The following ENDOD1 variants were observed in gnomAD, a reference collection of about 807,000 sequenced individuals.
ENDOD1 encodes the protein endonuclease domain containing 1.
A neutral mutation model predicts 6.5 loss-of-function variants in ENDOD1; 9 were observed. The ratio of observed to expected loss-of-function variants is 1.39; its 90% CI spans 0.84 to 2.43. ENDOD1 has a LOEUF of 2.43. Ranked by LOEUF, ENDOD1 falls within the 30% of genes most tolerant of loss-of-function variation. ENDOD1 has a pLI of 0.00. For synonymous variants in ENDOD1, 255 were observed against 255.2 expected (o/e 1.00, Z 0.01); for missense variants, 648 against 635.5 (o/e 1.02, Z -0.21).
intron 1 of ENDOD1, 89 bp from the exon 2 acceptor site, chr11:95,128,288 G>A: frequency 1.4e-6 from 2 of 1,463,002 alleles, no homozygotes; most frequent in Non-Finnish European, 1.8e-6. Context: ...GACCAGTGGG[G>A]ACTTCTCCAG....
At chr11:95,111,682 G>T (rs372980003) in intron 1 of ENDOD1, among the ~76,000 whole-genome samples, 25 of 152,238 alleles carry the variant, frequency 1.6e-4, no homozygotes, top group Admixed American at 9.8e-4. Flanking sequence ...GAGCTTAGAC[G>T]GTGATGCAAG....
intron 1 of ENDOD1, among the ~76,000 whole-genome samples, chr11:95,123,148 C>T (rs1157615781): frequency 6.6e-6 from 1 of 150,464 alleles, no homozygotes; most frequent in Non-Finnish European, 1.5e-5. Flanking sequence ...AATATCAGGC[C>T]ACTGCACTGC....
At chr11:95,101,975 T>C (rs1859045155) in intron 1 of ENDOD1, among the ~76,000 whole-genome samples, 1 of 152,194 alleles carries the variant, frequency 6.6e-6, no homozygotes, top group Non-Finnish European at 1.5e-5. Context: ...TCCAGCTACA[T>C]TGCATATTTC....
chr11:95,095,862 T>C (rs1447389), intron 1 of ENDOD1, among the ~76,000 whole-genome samples: 19,530 of 152,230 alleles, frequency 0.13, 1,508 homozygotes, highest in African/African-American at 0.22. Flanking sequence ...CTTTATTCTC[T>C]ATCACACTAT....
intron 1 of ENDOD1, among the ~76,000 whole-genome samples, chr11:95,107,405 G>A (rs1441591406): frequency 1.3e-5 from 2 of 151,870 alleles, no homozygotes; most frequent in South Asian, 2.1e-4. Flanking sequence ...TGATTCTGAT[G>A]TGCAGCCAGG....
rs1555109645 is a variant in ENDOD1 at position 95,090,026 on chromosome 11, A to G, written c.99A>G (p.Glu33=). 1 of 1,593,756 alleles carries G rather than the reference A, an allele frequency of 6.3e-7. No individual in the cohort carries two copies. The change falls in exon 1 of 2, where the codon GAA becomes GAG. Residue 33 remains glutamate (E), a synonymous_variant. Transcript: ENST00000278505. ...LVGEEEAGFG[E]CDKFFYAGTP... ...GCGAGGAGGAAGCCGGCTTTGGCGA[A>G]TGTGACAAGTTCTTCTACGCCGGGA... is the stretch of plus-strand genomic sequence containing the variant.
chr11:95,093,167 C>G (rs982034430), intron 1 of ENDOD1, among the ~76,000 whole-genome samples: 21 of 152,230 alleles, frequency 1.4e-4, no homozygotes, highest in Admixed American at 7.2e-4. Flanking sequence ...GGACAAAGTT[C>G]ACACTGCAGA....
At chr11:95,096,544 C>T (rs538614547) in intron 1 of ENDOD1, among the ~76,000 whole-genome samples, 9 of 152,130 alleles carry the variant, frequency 5.9e-5, no homozygotes, top group East Asian at 5.8e-4. Context: ...GCTGAAAATA[C>T]GGGTACATTT....
chr11:95,100,790 C>T (rs1935090332), intron 1 of ENDOD1, among the ~76,000 whole-genome samples: 1 of 151,398 alleles, frequency 6.6e-6, no homozygotes, highest in Non-Finnish European at 1.5e-5. Context: ...GCCACCATGC[C>T]CAGCCTACTT....
intron 1 of ENDOD1, among the ~76,000 whole-genome samples, chr11:95,093,699 A>G (rs1482286490): frequency 6.6e-6 from 1 of 152,154 alleles, no homozygotes; most frequent in Non-Finnish European, 1.5e-5. Flanking sequence ...AGGCAGGAGC[A>G]GGTGAGATGT....
intron 1 of ENDOD1, among the ~76,000 whole-genome samples, chr11:95,116,045 A>T (rs1555112458): frequency 6.6e-6 from 1 of 152,022 alleles, no homozygotes; most frequent in African/African-American, 2.4e-5. Flanking sequence ...GTTTTTTGGA[A>T]TAGTTTGAGT....
At chr11:95,103,240 A>G (rs1381805152) in intron 1 of ENDOD1, among the ~76,000 whole-genome samples, 1 of 152,040 alleles carries the variant, frequency 6.6e-6, no homozygotes, top group Non-Finnish European at 1.5e-5. Flanking sequence ...CTACCAGTGA[A>G]TTGGGGTTTA....
chr11:95,110,145 G>A lies in ENDOD1; in HGVS notation c.301-18232G>A, dbSNP rs781932165. Among the ~76,000 whole-genome samples the A allele has an allele frequency of 5.3e-5, 8 of 152,304 alleles. No homozygotes were observed. In the East Asian group the frequency reaches 7.7e-4, roughly 15 times the overall value. The stretch of plus-strand genomic sequence containing the variant: ...GGCCTTCGGAGGCTAAAGACATTCC[G>A]AATTTTCCCTATGCTCTTGGCCCCT... On this transcript the variant is annotated intron_variant, in intron 1 of 1. Transcript: ENST00000278505.
intron 1 of ENDOD1, among the ~76,000 whole-genome samples, chr11:95,101,426 A>G (rs1265203150): frequency 6.6e-6 from 1 of 152,114 alleles, no homozygotes; most frequent in Non-Finnish European, 1.5e-5. Flanking sequence ...TCCTGTTCTT[A>G]TTATGGCACA....
intron 1 of ENDOD1, among the ~76,000 whole-genome samples, chr11:95,103,985 C>G (rs1374658023): frequency 6.6e-6 from 1 of 152,240 alleles, no homozygotes; most frequent in African/African-American, 2.4e-5. Flanking sequence ...CACACCTGCT[C>G]TGTCACCACC....
At chr11:95,092,302 G>A (rs1291770816) in intron 1 of ENDOD1, among the ~76,000 whole-genome samples, 4 of 152,112 alleles carry the variant, frequency 2.6e-5, no homozygotes, top group Non-Finnish European at 5.9e-5. Flanking sequence ...ATGGAAGGGA[G>A]GGATCAGGTG....
At chr11:95,116,730 C>T (rs782266660) in intron 1 of ENDOD1, among the ~76,000 whole-genome samples, 104 of 152,170 alleles carry the variant, frequency 6.8e-4, no homozygotes, top group Admixed American at 3.9e-4. Flanking sequence ...CAACTTCCTT[C>T]TTAATTTTGT....
intron 1 of ENDOD1, among the ~76,000 whole-genome samples, chr11:95,118,377 G>T (rs537030800): frequency 6.6e-6 from 1 of 152,096 alleles, no homozygotes; most frequent in Non-Finnish European, 1.5e-5. Context: ...GCTTTTGTTT[G>T]TCTGGGAAAG....
intron 1 of ENDOD1, among the ~76,000 whole-genome samples, chr11:95,114,870 A>C (rs1859190146): frequency 6.6e-6 from 1 of 152,198 alleles, no homozygotes; most frequent in Non-Finnish European, 1.5e-5. Flanking sequence ...TTTTTATACC[A>C]GTAACATGCT....
Sources: gnomAD v4.1 joint callset for allele counts (sites outside exome capture counted in the v4.1 genomes callset) on GRCh38, gnomAD v4.1.1 for gene constraint, MANE v1.5 for transcripts, NCBI Gene and HGNC (gene_info 2026-07-23, HGNC 2026-07-21) for gene names.